The following SLC28A1 variants were observed in gnomAD, a reference collection of about 807,000 sequenced individuals.
SLC28A1 encodes sodium/nucleoside cotransporter 1.
A neutral mutation model predicts 74.8 loss-of-function variants in SLC28A1; 64 were observed. The ratio of observed to expected loss-of-function variants is 0.86; its 90% confidence interval spans 0.70 to 1.05. The LOEUF (loss-of-function observed/expected upper bound fraction) is 1.05, where lower values mean the gene tolerates loss of function less well. Among genes scored for constraint, SLC28A1 ranks in the 50% least tolerant of loss-of-function variants. SLC28A1 has a pLI of 0.00. For missense variants in SLC28A1, 828 were observed against 822.8 expected, an observed-to-expected ratio of 1.01 and a Z score of -0.08; for synonymous variants, 359 against 335.0, an observed-to-expected ratio of 1.07 and a Z score of -0.78.
At chr15:84,969,108 T>G in the SLC28A1 span, among the ~76,000 whole-genome samples, 7 of 152,212 alleles carry the variant, frequency 4.6e-5, 1 homozygote, top group African/African-American at 1.7e-4. Flanking sequence ...ATGATATGAC[T>G]CTGGTTCTGC....
At chr15:84,892,456 C>T (rs776139667) in intron 5 of SLC28A1, among the ~76,000 whole-genome samples, 11 of 152,142 alleles carry the variant, frequency 7.2e-5, no homozygotes, top group Non-Finnish European at 1.5e-4. Flanking sequence ...CTCCTTCACT[C>T]AGATCTGATT....
chr15:84,963,765 C>T, the SLC28A1 span, among the ~76,000 whole-genome samples: 1 of 152,192 alleles, frequency 6.6e-6, no homozygotes, highest in Non-Finnish European at 1.5e-5. Flanking sequence ...TTGGTGCTTT[C>T]AGGCAAAGTG....
At chr15:84,908,934 T>C in intron 9 of SLC28A1, 139 bp downstream of exon 9, 1 of 740,760 alleles carries the variant, frequency 1.3e-6, no homozygotes, top group Non-Finnish European at 2.4e-6. Flanking sequence ...GGGAAGTTAG[T>C]GAACCTTAAG....
chr15:84,926,819 A>AGGGG, intron 12 of SLC28A1, among the ~76,000 whole-genome samples: 1 of 147,616 alleles, frequency 6.8e-6, no homozygotes, highest in African/African-American at 2.5e-5. Context: ...GGGTGGTGGT[A>AGGGG]GGCGGTGACC....
chr15:84,898,539 A>T (rs1966264959), intron 6 of SLC28A1, among the ~76,000 whole-genome samples: 1 of 150,118 alleles, frequency 6.7e-6, no homozygotes, highest in Admixed American at 6.8e-5. Context: ...AGATCTCGCC[A>T]CTGCACTCCA....
the SLC28A1 span, chr15:84,975,595 A>G: frequency 3.6e-4 from 163 of 454,194 alleles, no homozygotes; most frequent in African/African-American, 3.0e-3. Flanking sequence ...AGCTGGAAAT[A>G]AATGCTCTTC....
chr15:84,886,087 GA>G, intron 1 of SLC28A1: 1 of 970,918 alleles, frequency 1.0e-6, no homozygotes, highest in Middle Eastern at 5.3e-4. Flanking sequence ...GTGAGGACTG[GA>G]AAACTAAAGC....
chr15:84,925,982 C>A (rs966692755), intron 12 of SLC28A1, among the ~76,000 whole-genome samples: 3 of 149,650 alleles, frequency 2.0e-5, no homozygotes, highest in Non-Finnish European at 3.0e-5. Flanking sequence ...TTTACTGTAA[C>A]CTTTTTTGGT....
intron 12 of SLC28A1, among the ~76,000 whole-genome samples, chr15:84,924,918 T>C (rs1970305153): frequency 1.3e-5 from 2 of 150,950 alleles, no homozygotes; most frequent in African/African-American, 4.9e-5. Flanking sequence ...TTGTTTGTTT[T>C]TGAGACGGAG....
At chr15:84,922,674 C>T (rs912202869) in intron 11 of SLC28A1, among the ~76,000 whole-genome samples, 5 of 152,200 alleles carry the variant, frequency 3.3e-5, no homozygotes, top group Non-Finnish European at 5.9e-5. Flanking sequence ...GCAAGCGTGC[C>T]CCTCACCGTG....
intron 15 of SLC28A1, among the ~76,000 whole-genome samples, chr15:84,937,767 G>A (rs552734491): frequency 6.6e-6 from 1 of 151,992 alleles, no homozygotes; most frequent in Admixed American, 6.5e-5. Flanking sequence ...TGGTTGTGTT[G>A]GAATGTGTCT....
At position 84,887,957 on chromosome 15, in the gene SLC28A1, C is replaced by T. The variant is rs1041727419; in HGVS notation, c.96+101C>T. 9.6e-6 allele frequency: 8 copies of T among 830,994 alleles called. No individual in the cohort carries two copies. The Admixed American group carries it at 1.1e-4, about 11-fold the overall frequency. The allele number at this position is 830,994 out of a possible 1,614,324, so 51.5% of individuals were successfully genotyped here. On this transcript the variant is annotated intron_variant, in intron 3 of 18. Transcript: ENST00000394573. ...CTTTTGCTCACCACCTTCCCTCATA[C>T]CCCATTCTTCTGCCCCCTTCTCACC...
chr15:84,936,269 G>T (rs1971924489), intron 15 of SLC28A1, among the ~76,000 whole-genome samples: 1 of 137,852 alleles, frequency 7.3e-6, no homozygotes, highest in Admixed American at 7.3e-5. Flanking sequence ...GTTTGGTTTG[G>T]TTTTCTGAGA....
At chr15:84,895,368 C>T (rs1331852740) in intron 6 of SLC28A1, 1 of 1,613,886 alleles carries the variant, frequency 6.2e-7, no homozygotes, top group Non-Finnish European at 8.5e-7. Flanking sequence ...CAACAGTTTC[C>T]TCCATTCAGG....
Position 84,935,449 on chromosome 15 carries a change from C to T in SLC28A1, c.1512C>T (p.Leu504=). ...FLNEFVAYQD[L]SKYKQRRLAG... Reference sequence around the variant, plus strand: ...ACGAGTTTGTGGCCTATCAAGACCTCTCCAAGTACAAGCAACGCCGCCTGG... The same window carrying T: ...ACGAGTTTGTGGCCTATCAAGACCTTTCCAAGTACAAGCAACGCCGCCTGG... Residue 504 remains leucine (L), a synonymous_variant, in exon 15 of 19, where the codon CTC becomes CTT. Coordinates refer to ENST00000394573, the MANE Select transcript of SLC28A1 (RefSeq NM_004213.5). The T allele has an allele frequency of 1.2e-6, 2 of 1,614,224 alleles. No individual in the cohort carries two copies. The highest frequency in any genetic ancestry group is 1.7e-6 in the Non-Finnish European group (2 of 1,180,038).
chr15:84,888,593 A>C (rs1315788210), intron 3 of SLC28A1, among the ~76,000 whole-genome samples, 179 bp from the exon 4 acceptor site: 1 of 152,186 alleles, frequency 6.6e-6, no homozygotes, highest in African/African-American at 2.4e-5. Context: ...AGCCCTGCAC[A>C]CAGTAGGTGC....
chr15:84,956,445 T>TCC, the SLC28A1 span, among the ~76,000 whole-genome samples: 4,334 of 75,118 alleles, frequency 0.058, 84 homozygotes, highest in African/African-American at 0.095. Context: ...CTTCCTTCCT[T>TCC]TCTTTCTTTC....
intron 6 of SLC28A1, 86 bp downstream of exon 6, chr15:84,895,209 G>T: frequency 1.3e-6 from 2 of 1,583,590 alleles, no homozygotes; most frequent in Non-Finnish European, 1.7e-6. Flanking sequence ...AGGGCTGGAG[G>T]AGGAGGAAGG....
In SLC28A1 at chr15:84,933,079, C is replaced by G. The variant is rs376842040; in HGVS notation, c.1084-66C>G. ...CACATGTGCCCTTGCTGCCCTGGGC[C>G]GCACTCCTTGGTCGCCAGCATTTCT... On this transcript the variant is annotated intron_variant, in intron 12 of 18. Transcript: ENST00000394573. 1.5e-5 allele frequency: 23 copies of G among 1,583,774 alleles called. No individual in the cohort carries two copies. In the African/African-American group the frequency reaches 3.0e-4, roughly 20 times the overall value.
Sources: gnomAD v4.1 joint callset for allele counts (sites outside exome capture counted in the v4.1 genomes callset) on GRCh38, gnomAD v4.1.1 for gene constraint, MANE v1.5 for transcripts, NCBI Gene and HGNC (gene_info 2026-07-23, HGNC 2026-07-21) for gene names.